The following BMPR1B variants were observed in gnomAD, a reference collection of about 807,000 sequenced individuals.
The protein encoded by BMPR1B is bone morphogenetic protein receptor type 1B.
BMPR1B carries 12 observed loss-of-function variants against 59.1 expected under a neutral mutation model. The observed-to-expected ratio is 0.20, with a 90% confidence interval of 0.13 to 0.33. The LOEUF is 0.33. Ranked by LOEUF, BMPR1B falls within the 10% of genes least tolerant of loss-of-function variation. BMPR1B has a pLI of 1.00. For synonymous variants in BMPR1B, 237 were observed against 207.3 expected (o/e 1.14, Z -1.23); for missense variants, 550 against 610.9 (o/e 0.90, Z 1.05).
chr4:94,823,110 C>A (rs141218873), intron 1 of BMPR1B, among the ~76,000 whole-genome samples: 330 of 152,026 alleles, frequency 2.2e-3, no homozygotes, highest in African/African-American at 7.6e-3. Flanking sequence ...TCCTGTTAAC[C>A]AGAAACTCTT....
intron 2 of BMPR1B, among the ~76,000 whole-genome samples, chr4:94,993,916 T>C (rs1721901015): frequency 6.6e-6 from 1 of 152,162 alleles, no homozygotes; most frequent in African/African-American, 2.4e-5. Flanking sequence ...AGTATCTCTG[T>C]GTGTTACTTA....
chr4:94,972,784 G>C (rs1051900387), intron 2 of BMPR1B, among the ~76,000 whole-genome samples: 1 of 152,144 alleles, frequency 6.6e-6, no homozygotes, highest in Middle Eastern at 3.2e-3. Flanking sequence ...TCATAAAATA[G>C]AGATAATGCT....
intron 1 of BMPR1B, among the ~76,000 whole-genome samples, chr4:94,798,686 G>GC (rs1171295117): frequency 6.6e-6 from 1 of 152,172 alleles, no homozygotes; most frequent in Admixed American, 6.5e-5. Flanking sequence ...TGCCAGTCAG[G>GC]CAGAGGTGCA....
intron 3 of BMPR1B, among the ~76,000 whole-genome samples, chr4:95,067,967 TAAAC>T (rs756969239): frequency 2.0e-5 from 3 of 152,096 alleles, no homozygotes; most frequent in African/African-American, 4.8e-5. Context: ...AGAAAGGAAG[TAAAC>T]AAGTTCCACA....
At chr4:94,807,874 G>A (rs1003990021) in intron 1 of BMPR1B, among the ~76,000 whole-genome samples, 1 of 152,104 alleles carries the variant, frequency 6.6e-6, no homozygotes, top group African/African-American at 2.4e-5. Context: ...TAGTAGAGGC[G>A]AGGTTTTTCC....
rs1725802545 is a variant in BMPR1B at position 94,857,426 on chromosome 4, T to C, written c.-182-18405T>C. Among the ~76,000 whole-genome samples the C allele has an allele frequency of 2.0e-5, 3 of 152,346 alleles. No homozygotes were observed. The South Asian group carries it at 6.2e-4, about 32-fold the overall frequency. ...TTACACACATATAGTAAGATCTATATAAAATGACAACAGAATTTGGAAAAA... is the reference window on the plus strand; with the variant it reads ...TTACACACATATAGTAAGATCTATACAAAATGACAACAGAATTTGGAAAAA... On this transcript the variant is annotated intron_variant, in intron 1 of 12. Transcript: ENST00000515059.
chr4:95,029,242 A>T (rs867678832), intron 3 of BMPR1B, among the ~76,000 whole-genome samples: 6 of 87,762 alleles, frequency 6.8e-5, no homozygotes, highest in Admixed American at 2.8e-4. Context: ...TGCTATCCCT[A>T]CCCCCTCCCC....
chr4:94,809,181 C>T (rs1475327466), intron 1 of BMPR1B, among the ~76,000 whole-genome samples: 3 of 152,104 alleles, frequency 2.0e-5, no homozygotes, highest in Non-Finnish European at 2.9e-5. Flanking sequence ...TTTAGAGTCA[C>T]ACTGGGCTGT....
At chr4:95,138,994 A>G (rs1385456321) in intron 10 of BMPR1B, among the ~76,000 whole-genome samples, 1 of 152,058 alleles carries the variant, frequency 6.6e-6, no homozygotes, top group Non-Finnish European at 1.5e-5. Context: ...GAGGTGCTCG[A>G]TTTTTAGAAT....
At chr4:94,945,119 C>T (rs1278094486) in intron 2 of BMPR1B, among the ~76,000 whole-genome samples, 3 of 152,188 alleles carry the variant, frequency 2.0e-5, no homozygotes, top group Non-Finnish European at 4.4e-5. Flanking sequence ...CCATTTAGCA[C>T]ATTGGCTAAG....
intron 3 of BMPR1B, among the ~76,000 whole-genome samples, chr4:95,077,037 A>G (rs962805479): frequency 7.2e-5 from 11 of 152,280 alleles, no homozygotes; most frequent in African/African-American, 2.4e-4. Flanking sequence ...GCAGCAGTGC[A>G]AACACTAGAT....
At chr4:94,776,648 C>T (rs1722380037) in intron 1 of BMPR1B, among the ~76,000 whole-genome samples, 3 of 152,152 alleles carry the variant, frequency 2.0e-5, no homozygotes, top group African/African-American at 7.2e-5. Flanking sequence ...AGAACAACAT[C>T]AGAATTTAAA....
intron 1 of BMPR1B, among the ~76,000 whole-genome samples, chr4:94,852,904 C>A (rs1725618978): frequency 6.6e-6 from 1 of 152,044 alleles, no homozygotes; most frequent in Non-Finnish European, 1.5e-5. Context: ...GTGTGGAATT[C>A]CAGCTACAAG....
intron 2 of BMPR1B, among the ~76,000 whole-genome samples, chr4:94,926,765 T>C (rs762306731): frequency 5.3e-5 from 8 of 152,094 alleles, no homozygotes; most frequent in Non-Finnish European, 7.4e-5. Flanking sequence ...TTTAAAAAAA[T>C]AGTTAAAAAT....
chr4:94,852,284 C>T (rs2865413), intron 1 of BMPR1B, among the ~76,000 whole-genome samples: 92,447 of 151,812 alleles, frequency 0.61, 29,002 homozygotes, highest in African/African-American at 0.76. Context: ...ATATAATCTG[C>T]GGTTTTAAGT....
chr4:95,003,456 T>A (rs1349396166), intron 3 of BMPR1B, among the ~76,000 whole-genome samples: 1 of 152,158 alleles, frequency 6.6e-6, no homozygotes, highest in Non-Finnish European at 1.5e-5. Context: ...CATTGGAACA[T>A]GTTAGGGTGG....
At chr4:94,846,947 A>C (rs1725359690) in intron 1 of BMPR1B, among the ~76,000 whole-genome samples, 1 of 152,160 alleles carries the variant, frequency 6.6e-6, no homozygotes, top group South Asian at 2.1e-4. Context: ...AAAATGGACA[A>C]ATGGCATTAT....
chr4:95,004,627 A>T (rs1249697475), intron 3 of BMPR1B, among the ~76,000 whole-genome samples: 2 of 152,174 alleles, frequency 1.3e-5, no homozygotes, highest in African/African-American at 4.8e-5. Flanking sequence ...TTCTCCATGT[A>T]AAATACATTT....
At chr4:95,147,838 A>T (rs189559768) in intron 10 of BMPR1B, among the ~76,000 whole-genome samples, 1 of 152,244 alleles carries the variant, frequency 6.6e-6, no homozygotes, top group Admixed American at 6.5e-5. Context: ...TCATCAGCCT[A>T]GTCATTCAGC....
Sources: allele counts gnomAD v4.1 joint callset (sites outside exome capture counted in the v4.1 genomes callset), GRCh38; gene constraint gnomAD v4.1.1; transcripts MANE v1.5; gene names NCBI Gene and HGNC (gene_info 2026-07-23, HGNC 2026-07-21).